THSD4: variants seen among roughly 807,000 people sequenced by gnomAD.
The protein encoded by THSD4 is thrombospondin type 1 domain containing 4.
THSD4 carries 69 observed loss-of-function variants against 119.0 expected under a neutral mutation model. The ratio of observed to expected loss-of-function variants is 0.58; its 90% CI spans 0.48 to 0.71. The LOEUF (loss-of-function observed/expected upper bound fraction) is 0.71, where lower values mean the gene tolerates loss of function less well. Among genes scored for constraint, THSD4 ranks in the 30% least tolerant of loss-of-function variants. THSD4 has a pLI of 0.00. For missense variants in THSD4, 1,393 were observed against 1,391.1 expected, an observed-to-expected ratio of 1.00 and a Z score of -0.02; for synonymous variants, 524 against 540.4, an observed-to-expected ratio of 0.97 and a Z score of 0.42.
At chr15:71,161,119 A>T (rs903095923) in intron 3 of THSD4, among the ~76,000 whole-genome samples, 2 of 152,222 alleles carry the variant, frequency 1.3e-5, no homozygotes, top group Non-Finnish European at 2.9e-5. Flanking sequence ...GAAAAGATAC[A>T]TGTTACATTA....
chr15:71,676,336 C>T (rs1440855139), intron 8 of THSD4, among the ~76,000 whole-genome samples: 1 of 152,074 alleles, frequency 6.6e-6, no homozygotes, highest in African/African-American at 2.4e-5. Context: ...GGTTGGAGTG[C>T]GGTGGCACGA....
At position 71,580,247 on chromosome 15, in the gene THSD4, A is replaced by G. The variant is rs560341551; in HGVS notation, c.1153-80283A>G. Among the ~76,000 whole-genome samples the G allele has an allele frequency of 5.9e-5, 9 of 152,292 alleles. No individual in the cohort carries two copies. The South Asian group carries it at 1.0e-3, about 18-fold the overall frequency. ...GAGAGATGTAGGCTTTGTCTAGACT[A>G]TAAAGTAAGAAGTGACATTGGGAAA... On this transcript the variant is annotated intron_variant, in intron 7 of 17. Coordinates refer to ENST00000261862, the MANE Select transcript of THSD4 (RefSeq NM_024817.3).
At chr15:71,347,353 CAT>C (rs892186325) in intron 6 of THSD4, among the ~76,000 whole-genome samples, 25 of 152,316 alleles carry the variant, frequency 1.6e-4, no homozygotes, top group African/African-American at 5.5e-4. Context: ...CACCCTCCCT[CAT>C]ATGTGGATGC....
chr15:71,157,197 G>A (rs2040786541), intron 3 of THSD4, among the ~76,000 whole-genome samples: 1 of 152,086 alleles, frequency 6.6e-6, no homozygotes, highest in South Asian at 2.1e-4. Context: ...AAGTTAAGCT[G>A]AATGATATGT....
At chr15:71,687,512 T>G (rs1186237449) in intron 8 of THSD4, among the ~76,000 whole-genome samples, 6 of 152,032 alleles carry the variant, frequency 3.9e-5, no homozygotes, top group Non-Finnish European at 7.4e-5. Flanking sequence ...TCCCAGCACT[T>G]TGGGGGGCCA....
intron 5 of THSD4, among the ~76,000 whole-genome samples, chr15:71,255,936 G>A (rs1206605941): frequency 6.6e-6 from 1 of 152,194 alleles, no homozygotes; most frequent in Non-Finnish European, 1.5e-5. Context: ...TCAAACAGAA[G>A]CAGATGGCCT....
Position 71,106,421 on chromosome 15 carries a change from T to C in THSD4, c.-80+9415T>C, listed in dbSNP as rs192430300. On this transcript the variant is annotated intron_variant, in intron 1 of 17. Coordinates refer to the THSD4 transcript ENST00000355327. ...CTCAAAGGCAGAACTGGTATTTGGG[T>C]ACCATGGCAGATCTGTTGGGGGAGT... Among the ~76,000 whole-genome samples the C allele has an allele frequency of 2.8e-4, 43 of 152,222 alleles. 1 individual carries two copies. Among genetic ancestry groups the C allele is most frequent in the African/African-American group, 9.9e-4 (41 of 41,536 alleles).
At position 71,256,652 on chromosome 15, in the gene THSD4, T is replaced by C. The variant is rs759368277; in HGVS notation, c.952T>C (p.Cys318Arg). The C allele has an allele frequency of 1.2e-6, 2 of 1,614,032 alleles. No individual in the cohort carries two copies. The highest frequency in any genetic ancestry group is 1.1e-5 in the South Asian group (1 of 91,074). ...ESSRSIREVQ[C>R]ASYNNKPFMG... ...CAGTAGAAGTATCCGGGAGGTACAG[T>C]GTGCATCCTACAACAACAAGCCATT... The change falls in exon 6 of 18, where the codon TGT (cysteine) becomes CGT (arginine). Residue 318 changes from cysteine to arginine, a missense_variant. By Grantham distance (180) the Cys-to-Arg change is radical. Transcript: ENST00000261862.
chr15:71,307,403 A>G (rs1012922399), intron 6 of THSD4, among the ~76,000 whole-genome samples: 1 of 152,204 alleles, frequency 6.6e-6, no homozygotes, highest in Non-Finnish European at 1.5e-5. Flanking sequence ...CTGAATTTTT[A>G]AGACCTAAGT....
At chr15:71,665,874 G>A (rs1413205078) in intron 8 of THSD4, among the ~76,000 whole-genome samples, 1 of 152,094 alleles carries the variant, frequency 6.6e-6, no homozygotes, top group Non-Finnish European at 1.5e-5. Context: ...GTCTGTTTTT[G>A]TACCAGTACC....
chr15:71,342,275 T>A (rs1480714840), intron 6 of THSD4: 3 of 174,324 alleles, frequency 1.7e-5, no homozygotes, highest in African/African-American at 7.2e-5. Flanking sequence ...GAGTTTGTGT[T>A]ACAGAGACTG....
rs1269878880 is a variant in THSD4, at chr15:71,377,885, C to CACACACACACACACACACACACAA, written c.1016-33779_1016-33778insAACACACACACACACACACACACA. Among the ~76,000 whole-genome samples the CACACACACACACACACACACACAA allele has an allele frequency of 3.4e-4, 28 of 82,250 alleles. 1 individual carries two copies. Among genetic ancestry groups the CACACACACACACACACACACACAA allele is most frequent in the Admixed American group, 7.4e-4 (6 of 8,162 alleles). The allele number at this position is 82,250 out of a possible 152,430, so 54.0% of individuals were successfully genotyped here. A position where few individuals can be genotyped will look rare whatever the true frequency, so the allele number is the denominator to read the frequency against. ...TATCCACAACACACACACACACACA[C>CACACACACACACACACACACACAA]ACACACACACACACACACACACACA... is the stretch of plus-strand genomic sequence containing the variant. On this transcript the variant is annotated intron_variant, in intron 6 of 17. Coordinates refer to ENST00000261862, the MANE Select transcript of THSD4 (RefSeq NM_024817.3).
chr15:71,721,082 T>C (rs1287029996), intron 8 of THSD4, among the ~76,000 whole-genome samples: 1 of 152,188 alleles, frequency 6.6e-6, no homozygotes, highest in African/African-American at 2.4e-5. Flanking sequence ...ATTATGGGAT[T>C]ATGGCCAGGC....
chr15:71,407,027 C>T (rs1194945628), intron 6 of THSD4, among the ~76,000 whole-genome samples: 1 of 152,098 alleles, frequency 6.6e-6, no homozygotes, highest in Non-Finnish European at 1.5e-5. Context: ...GTTGTTATGT[C>T]TTCCTGATGG....
At chr15:71,584,262 CTTTTTTTTTTTTTT>C (rs71154789) in intron 7 of THSD4, among the ~76,000 whole-genome samples, 3 of 61,802 alleles carry the variant, frequency 4.9e-5, no homozygotes, top group Non-Finnish European at 8.2e-5. Flanking sequence ...TTTTCACTTT[CTTTTTTTTTTTTTT>C]TTTTTTTTTG....
chr15:71,286,267 G>C (rs374499480), intron 6 of THSD4, among the ~76,000 whole-genome samples: 3 of 152,118 alleles, frequency 2.0e-5, no homozygotes, highest in African/African-American at 7.2e-5. Flanking sequence ...CAGGTATTAA[G>C]CCTAGGATCC....
rs138504953 is a variant in THSD4 at position 71,361,117 on chromosome 15, T to C, written c.1016-50570T>C. ...GGTGGCACATGCTGTCTGGTGTTTG[T>C]AGAGCATGGAGGGCCCTGGGTATCC... On this transcript the variant is annotated intron_variant, in intron 6 of 17. Coordinates refer to ENST00000261862, the MANE Select transcript of THSD4 (RefSeq NM_024817.3). Among the ~76,000 whole-genome samples the C allele has an allele frequency of 2.6e-5, 4 of 152,290 alleles. No individual in the cohort carries two copies. In the East Asian group the frequency reaches 7.7e-4, roughly 29 times the overall value.
At chr15:71,308,578 G>A (rs975866748) in intron 6 of THSD4, among the ~76,000 whole-genome samples, 1 of 152,218 alleles carries the variant, frequency 6.6e-6, no homozygotes. Flanking sequence ...ATGTGTTCAT[G>A]TGGATCAGTT....
chr15:71,343,970 T>C (rs891574525), intron 6 of THSD4, among the ~76,000 whole-genome samples: 2 of 149,432 alleles, frequency 1.3e-5, no homozygotes, highest in Non-Finnish European at 3.0e-5. Context: ...CACCTCACCC[T>C]CCCAAAGTGA....
Sources: gnomAD v4.1 joint callset for allele counts (sites outside exome capture counted in the v4.1 genomes callset) on GRCh38, gnomAD v4.1.1 for gene constraint, MANE v1.5 for transcripts, NCBI Gene and HGNC (gene_info 2026-07-23, HGNC 2026-07-21) for gene names.